Variants in AXIN1 observed in about 807,000 individuals in gnomAD.
AXIN1 encodes the protein axin 1, also known as axin-1.
AXIN1 carries 30 observed loss-of-function variants against 76.4 expected under a neutral mutation model. That is an observed-to-expected ratio of 0.39 (90% CI 0.29 to 0.53). AXIN1 has a LOEUF of 0.53. Among genes scored for constraint, AXIN1 ranks in the 20% least tolerant of loss-of-function variants. AXIN1 has a pLI of 0.66. For missense variants in AXIN1, 1,140 were observed against 1,198.8 expected, an observed-to-expected ratio of 0.95 and a Z score of 0.72; for synonymous variants, 545 against 501.4, an observed-to-expected ratio of 1.09 and a Z score of -1.16.
intron 8 of AXIN1, chr16:291,596 C>T (rs754194046): frequency 4.1e-6 from 2 of 490,990 alleles, no homozygotes; most frequent in Middle Eastern, 5.7e-4. Context: ...ACCACCTCAT[C>T]CCCTCTGGTG....
intron 2 of AXIN1, among the ~76,000 whole-genome samples, chr16:327,940 G>C (rs1395788481): frequency 6.6e-6 from 1 of 152,220 alleles, no homozygotes; most frequent in Non-Finnish European, 1.5e-5. Flanking sequence ...CTAACTGTCT[G>C]TGAGACTCTA....
At chr16:341,277 A>G (rs1355009434) in intron 2 of AXIN1, among the ~76,000 whole-genome samples, 1 of 152,204 alleles carries the variant, frequency 6.6e-6, no homozygotes, top group Non-Finnish European at 1.5e-5. Context: ...GAGAGGCGCG[A>G]GCGGGAACCG....
intron 2 of AXIN1, among the ~76,000 whole-genome samples, chr16:334,478 G>A (rs2053761825): frequency 1.5e-5 from 2 of 134,358 alleles, no homozygotes; most frequent in Non-Finnish European, 1.5e-5. Flanking sequence ...CAGTACCACG[G>A]CAAGCTAATT....
chr16:309,058 C>T (rs2053102380), intron 4 of AXIN1, among the ~76,000 whole-genome samples: 2 of 152,168 alleles, frequency 1.3e-5, no homozygotes, highest in Non-Finnish European at 2.9e-5. Context: ...GTGCGTTGCG[C>T]AGTGGCTCAC....
In AXIN1 at chr16:297,049, T is replaced by C. The variant is rs1480582441; in HGVS notation, c.1955+7A>G. ...CCCACGAGGCTGGCTGCGTGCGGGG[T>C]GCTCACCCGTGGCCGGTCCTGCGGT... On this transcript the variant is annotated splice_region_variant and intron_variant, in intron 7 of 10. Coordinates refer to ENST00000262320, the MANE Select transcript of AXIN1 (RefSeq NM_003502.4). 2 of 1,609,656 alleles carry C rather than the reference T, an allele frequency of 1.2e-6. No individual in the cohort carries two copies. Among genetic ancestry groups the C allele is most frequent in the African/African-American group, 1.3e-5 (1 of 74,876 alleles).
At chr16:340,339 G>A (rs769487865) in intron 2 of AXIN1, among the ~76,000 whole-genome samples, 1 of 152,202 alleles carries the variant, frequency 6.6e-6, no homozygotes, top group African/African-American at 2.4e-5. Flanking sequence ...GACTGGCCCG[G>A]GAAGACACAC....
chr16:296,090 A>AC (rs370577338), intron 7 of AXIN1, among the ~76,000 whole-genome samples: 6 of 151,836 alleles, frequency 4.0e-5, no homozygotes, highest in Admixed American at 6.6e-5. Context: ...ACACACTGAG[A>AC]CCCCCTCTAC....
intron 7 of AXIN1, among the ~76,000 whole-genome samples, chr16:294,719 C>T (rs899621939): frequency 2.2e-4 from 31 of 139,234 alleles, no homozygotes; most frequent in African/African-American, 8.4e-4. Context: ...TGGCCTGTTG[C>T]ACTCCAGCCT....
chr16:313,345 C>T (rs530096793), intron 3 of AXIN1, among the ~76,000 whole-genome samples: 1 of 152,322 alleles, frequency 6.6e-6, no homozygotes, highest in East Asian at 1.9e-4. Flanking sequence ...GGGACCATCA[C>T]TTAAAACATA....
At position 297,716 on chromosome 16, in the gene AXIN1, G is replaced by A. The variant is rs780564702; in HGVS notation, c.1784+6C>T. The stretch of plus-strand genomic sequence containing the variant: ...GCCCCCTCCTCACTGACAGGCGCAC[G>A]CTCACCTGTGGGCGAGGCCATCACT... On this transcript the variant is annotated splice_donor_region_variant and intron_variant, in intron 6 of 10. Transcript: ENST00000262320. 2.2e-5 allele frequency: 35 copies of A among 1,594,800 alleles called. No individual in the cohort carries two copies. Among genetic ancestry groups the A allele is most frequent in the Admixed American group, 1.5e-4 (9 of 59,098 alleles).
intron 10 of AXIN1, 51 bp from the exon 11 acceptor site, chr16:288,299 A>G (rs2141461104): frequency 6.2e-7 from 1 of 1,612,172 alleles, no homozygotes; most frequent in African/African-American, 1.3e-5. Flanking sequence ...CGCAGATGGG[A>G]AGGAGGCCTG....
rs2141502860 is a variant in AXIN1, at chr16:297,124, G to A, written c.1887C>T (p.Asn629=). 2 of 1,612,762 alleles carry A rather than the reference G, an allele frequency of 1.2e-6. No homozygotes were observed. Among genetic ancestry groups the A allele is most frequent in the Non-Finnish European group, 1.7e-6 (2 of 1,179,934 alleles). Residue 629 remains asparagine, a synonymous_variant, in exon 7 of 11, where the codon AAC becomes AAT. Transcript: ENST00000262320. ...CAATGATCCACTGCATGATTTTCTG[G>A]TTCTTCTCCGCATCCTCCGAGGCAC... is the stretch of plus-strand genomic sequence containing the variant. The part of the protein sequence containing the change: ...VPGASEDAEK[N]QKIMQWIIEG...
Position 314,642 on chromosome 16 carries a change from T to A in AXIN1, c.920A>T (p.Asn307Ile), listed in dbSNP as rs2053259161. The A allele has an allele frequency of 6.2e-7, 1 of 1,614,014 alleles. No individual in the cohort carries two copies. Among genetic ancestry groups the A allele is most frequent in the Non-Finnish European group, 8.5e-7 (1 of 1,180,034 alleles). ...WREPVNPYYV[N>I]AGYALAPATS... ...GGCTGGGGCCAGGGCATAGCCGGCA[T>A]TGACATAATAGGGGTTGACTGGCTC... Residue 307 changes from asparagine (N) to isoleucine (I), a missense_variant, in exon 3 of 11, where the codon AAT becomes ATT. This residue lies in a region of AXIN1 where 708 missense variants were observed against 776.9 expected (regional missense o/e 0.91). Coordinates refer to ENST00000262320, the MANE Select transcript of AXIN1 (RefSeq NM_003502.4).
chr16:292,709 T>C (rs1365913040), intron 8 of AXIN1: 1 of 152,250 alleles, frequency 6.6e-6, no homozygotes, highest in South Asian at 2.1e-4. Context: ...TGACCCAGGA[T>C]GGCCGAGAAA....
intron 2 of AXIN1, among the ~76,000 whole-genome samples, chr16:320,685 G>A (rs2053420863): frequency 1.4e-5 from 2 of 146,354 alleles, no homozygotes; most frequent in Non-Finnish European, 3.0e-5. Context: ...ATATATGTGT[G>A]TATATATGTA....
At chr16:323,307 C>T (rs1243844181) in intron 2 of AXIN1, among the ~76,000 whole-genome samples, 4 of 151,260 alleles carry the variant, frequency 2.6e-5, no homozygotes, top group Admixed American at 6.6e-5. Flanking sequence ...GGTGCGGTGG[C>T]GGGCACCTGT....
chr16:287,879 G>T lies in AXIN1; in HGVS notation c.*243C>A. 1 of 620,224 alleles carries T rather than the reference G, an allele frequency of 1.6e-6. No individual in the cohort carries two copies. Among genetic ancestry groups the T allele is most frequent in the Non-Finnish European group, 2.8e-6 (1 of 355,986 alleles). 38.4% of individuals were successfully genotyped at this position (620,224 alleles called of 1,614,324 possible). A position where few individuals can be genotyped will look rare whatever the true frequency, so the allele number is the denominator to read the frequency against. ...CAGGGACCTCGGCTGCCTCACTTGG[G>T]CTGGGCCCTCCAAGTATTGCTATGA... On this transcript the variant is annotated 3_prime_UTR_variant, in exon 11 of 11. Transcript: ENST00000262320.
chr16:293,680 G>T lies in AXIN1; in HGVS notation c.1994C>A (p.Ser665Tyr), dbSNP rs2141487019. ...GTRKPQPHEN[S>Y]RPLSLEHPWA... ...GGGGTGCTCAAGGGACAAGGGTCTG[G>T]AGTTCTCATGGGGCTGTGGCTTCCT... is the stretch of plus-strand genomic sequence containing the variant. The change falls in exon 8 of 11, where the codon TCC becomes TAC. Residue 665 changes from serine (S) to tyrosine (Y), a missense_variant. By Grantham distance (144) the Ser-to-Tyr change is moderately radical. Coordinates refer to ENST00000262320, the MANE Select transcript of AXIN1 (RefSeq NM_003502.4). This position sits in a 1 kb window ranked among gnomAD's most constrained non-coding sequence, Gnocchi z 4.6. 1 of 1,613,800 alleles carries T rather than the reference G, an allele frequency of 6.2e-7. No individual in the cohort carries two copies. Among genetic ancestry groups the T allele is most frequent in the Non-Finnish European group, 8.5e-7 (1 of 1,180,034 alleles).
chr16:319,512 A>C (rs1435715885), intron 2 of AXIN1, among the ~76,000 whole-genome samples: 2 of 152,320 alleles, frequency 1.3e-5, no homozygotes, highest in East Asian at 3.9e-4. Context: ...TATTAGCTTC[A>C]AGGCAACAGG....
Sources: gnomAD v4.1 joint callset for allele counts (sites outside exome capture counted in the v4.1 genomes callset) on GRCh38, gnomAD v4.1.1 for gene constraint, gnomAD v4.1.1 regional missense constraint, Gnocchi (gnomAD v3.1) non-coding constraint, MANE v1.5 for transcripts, NCBI Gene and HGNC (gene_info 2026-07-23, HGNC 2026-07-21) for gene names.